The following CPD variants were observed in gnomAD, a reference collection of about 807,000 sequenced individuals.
The protein encoded by CPD is carboxypeptidase D.
In CPD, 69 loss-of-function variants were observed where a neutral mutation model predicts 138.3. The ratio of observed to expected loss-of-function variants is 0.50; its 90% CI spans 0.41 to 0.61. The LOEUF (loss-of-function observed/expected upper bound fraction) is 0.61. Among genes scored for constraint, CPD ranks in the 20% least tolerant of loss-of-function variants. CPD has a pLI of 0.00. For synonymous variants in CPD, 651 were observed against 642.1 expected (o/e 1.01, Z -0.21); for missense variants, 1,432 against 1,733.3 (o/e 0.83, Z 3.09).
At chr17:30,462,515 G>A in intron 20 of CPD, 46 bp downstream of exon 20, 1 of 1,416,830 alleles carries the variant, frequency 7.1e-7, no homozygotes, top group Non-Finnish European at 9.9e-7. Flanking sequence ...AAACAATCTT[G>A]ACATTTCAAT....
At chr17:30,414,815 CTG>C (rs1488869779) in intron 2 of CPD, among the ~76,000 whole-genome samples, 5 of 152,124 alleles carry the variant, frequency 3.3e-5, no homozygotes, top group African/African-American at 1.2e-4. Flanking sequence ...GTGGGAAAGA[CTG>C]TGGGTGGAGC....
intron 14 of CPD, among the ~76,000 whole-genome samples, chr17:30,452,648 G>C (rs1913196403): frequency 6.7e-6 from 1 of 149,560 alleles, no homozygotes; most frequent in South Asian, 2.2e-4. Flanking sequence ...ATTTTCTACT[G>C]ATAGATATTT....
chr17:30,397,607 G>A (rs1160735071), intron 2 of CPD, among the ~76,000 whole-genome samples: 1 of 151,584 alleles, frequency 6.6e-6, no homozygotes, highest in Non-Finnish European at 1.5e-5. Flanking sequence ...GCATGGTGGT[G>A]CACATCTGCA....
intron 8 of CPD, among the ~76,000 whole-genome samples, chr17:30,434,251 G>A (rs554625203): frequency 1.3e-5 from 2 of 152,058 alleles, no homozygotes; most frequent in African/African-American, 4.8e-5. Context: ...CACACTGTTG[G>A]CATCACAAAA....
At chr17:30,457,307 G>A (rs1913326880) in intron 17 of CPD, among the ~76,000 whole-genome samples, 3 of 152,116 alleles carry the variant, frequency 2.0e-5, no homozygotes, top group Admixed American at 1.3e-4. Context: ...TCATTTTTAT[G>A]GCTGAATAAT....
At chr17:30,395,866 A>G (rs1183576921) in intron 2 of CPD, among the ~76,000 whole-genome samples, 1 of 152,162 alleles carries the variant, frequency 6.6e-6, no homozygotes, top group Non-Finnish European at 1.5e-5. Context: ...ATATATATTC[A>G]GTGGGAGTGG....
chr17:30,379,410 G>T lies in CPD; in HGVS notation c.430G>T (p.Val144Leu). The T allele has an allele frequency of 1.3e-6, 2 of 1,556,164 alleles. No individual in the cohort carries two copies. The highest frequency in any genetic ancestry group is 2.5e-5 in the East Asian group (1 of 39,648). ...GGGCAACATGCATGGCGACGAGACC[G>T]TGTCGCGCCAGGTGTTGATCTACTT... ...LVGNMHGDET[V>L]SRQVLIYLAR... The change falls in exon 1 of 21, where the codon GTG becomes TTG. Residue 144 changes from valine (V) to leucine (L), a missense_variant. By Grantham distance (32) the Val-to-Leu change is conservative. Transcript: ENST00000225719. This position sits in a 1 kb window ranked among gnomAD's most constrained non-coding sequence, Gnocchi z 7.0.
At chr17:30,392,134 C>A (rs1911375314) in intron 2 of CPD, among the ~76,000 whole-genome samples, 1 of 151,852 alleles carries the variant, frequency 6.6e-6, no homozygotes, top group South Asian at 2.1e-4. Context: ...CTCAGCCTCC[C>A]AGTTAGCTGG....
chr17:30,409,781 T>G (rs1911911145), intron 2 of CPD, among the ~76,000 whole-genome samples: 1 of 152,206 alleles, frequency 6.6e-6, no homozygotes. Context: ...GTCTATCAAT[T>G]CTGTTGATCT....
At chr17:30,444,000 T>G in intron 11 of CPD, 29 bp downstream of exon 11, 1 of 1,608,394 alleles carries the variant, frequency 6.2e-7, no homozygotes, top group Non-Finnish European at 8.5e-7. Context: ...TGAAATAGAG[T>G]GCTCGGAGGA....
At chr17:30,434,842 G>A (rs576955850) in intron 8 of CPD, among the ~76,000 whole-genome samples, 2 of 150,808 alleles carry the variant, frequency 1.3e-5, no homozygotes, top group South Asian at 2.1e-4. Context: ...TTGCTAGACC[G>A]ACAGAAAAGT....
At chr17:30,435,380 A>T (rs1357920879) in intron 8 of CPD, among the ~76,000 whole-genome samples, 3 of 151,318 alleles carry the variant, frequency 2.0e-5, no homozygotes, top group African/African-American at 7.3e-5. Context: ...TTTTTTTTTT[A>T]GAAAAGGATG....
At position 30,379,687 on chromosome 17, in the gene CPD, C is replaced by T. The variant is rs746039831; in HGVS notation, c.707C>T (p.Pro236Leu). 3.3e-6 allele frequency: 5 copies of T among 1,517,676 alleles called. No homozygotes were observed. The highest frequency in any genetic ancestry group is 2.5e-5 in the South Asian group (2 of 81,004). 94.0% of individuals were successfully genotyped at this position (1,517,676 alleles called of 1,614,324 possible). A position where few individuals can be genotyped will look rare whatever the true frequency, so the allele number is the denominator to read the frequency against. The change falls in exon 1 of 21, where the codon CCC becomes CTC. Residue 236 changes from proline to leucine, a missense_variant. By Grantham distance (98) the Pro-to-Leu change is moderately conservative (BLOSUM62 -3). This residue lies in a region of CPD where 484 missense variants were observed against 477.2 expected (regional missense o/e 1.01). Transcript: ENST00000225719. The surrounding 1 kb of genome is among the most constrained non-coding windows in gnomAD (Gnocchi z 7.0). Reference sequence around the variant, plus strand: ...GAACCCCCCGCCCTGGACGAGGTGCCCGAGGTGCGCGCCCTCATCGAGTGG... The same window carrying T: ...GAACCCCCCGCCCTGGACGAGGTGCTCGAGGTGCGCGCCCTCATCGAGTGG... ...TGEPPALDEV[P>L]EVRALIEWIR...
chr17:30,437,473 C>T (rs1174702161), intron 8 of CPD, among the ~76,000 whole-genome samples: 1 of 151,946 alleles, frequency 6.6e-6, no homozygotes, highest in East Asian at 1.9e-4. Context: ...TTCGTTGAGC[C>T]CAGGAGTTCG....
intron 9 of CPD, among the ~76,000 whole-genome samples, chr17:30,439,606 T>C (rs1912806013): frequency 8.3e-6 from 1 of 120,264 alleles, no homozygotes; most frequent in Non-Finnish European, 1.7e-5. Flanking sequence ...CCCTTTCCTG[T>C]GTCCATGTGA....
chr17:30,424,093 G>T (rs1265241085), intron 6 of CPD, among the ~76,000 whole-genome samples: 1 of 151,976 alleles, frequency 6.6e-6, no homozygotes, highest in African/African-American at 2.4e-5. Flanking sequence ...ATGTGTTCAG[G>T]GTAGTCAGGG....
intron 12 of CPD, among the ~76,000 whole-genome samples, chr17:30,448,910 CCTCAGCAA>C (rs1913095364): frequency 6.6e-6 from 1 of 152,056 alleles, no homozygotes; most frequent in Admixed American, 6.5e-5. Context: ...TTGAAACCAG[CCTCAGCAA>C]TATAGCAAGA....
chr17:30,414,123 A>G (rs866869865), intron 2 of CPD, among the ~76,000 whole-genome samples: 8 of 152,358 alleles, frequency 5.3e-5, no homozygotes, highest in African/African-American at 9.6e-5. Flanking sequence ...AGGCCACTGA[A>G]AAGACTTTGG....
intron 6 of CPD, among the ~76,000 whole-genome samples, chr17:30,425,669 A>C (rs1188326263): frequency 1.3e-5 from 2 of 151,954 alleles, no homozygotes; most frequent in Non-Finnish European, 2.9e-5. Context: ...AAAAAAAAAA[A>C]AAACAAATAG....
Sources: allele counts gnomAD v4.1 joint callset (sites outside exome capture counted in the v4.1 genomes callset), GRCh38; gene constraint gnomAD v4.1.1; regional missense constraint gnomAD v4.1.1; non-coding constraint Gnocchi (gnomAD v3.1); transcripts MANE v1.5; gene names NCBI Gene and HGNC (gene_info 2026-07-23, HGNC 2026-07-21).